ZNF280C: variants seen among roughly 807,000 people sequenced by gnomAD.
ZNF280C encodes zinc finger protein 280C, also known as suppressor of hairy wing homolog 3.
ZNF280C carries 14 observed loss-of-function variants against 53.6 expected under a neutral mutation model. The observed-to-expected ratio is 0.26, with a 90% CI of 0.17 to 0.41. ZNF280C has a LOEUF of 0.41. Ranked by LOEUF, ZNF280C falls within the 10% of genes least tolerant of loss-of-function variation. ZNF280C has a pLI of 1.00. For synonymous variants in ZNF280C, 203 were observed against 181.1 expected, an observed-to-expected ratio of 1.12 and a Z score of -0.97; for missense variants, 416 against 547.1, an observed-to-expected ratio of 0.76 and a Z score of 2.39.
chrX:130,203,575 A>G lies in ZNF280C; in HGVS notation c.*1402T>C, dbSNP rs937888857. 6 of 111,129 alleles carry G rather than the reference A, an allele frequency of 5.4e-5. No individual in the cohort carries two copies. Among genetic ancestry groups the G allele is most frequent in the African/African-American group, 2.0e-4 (6 of 30,514 alleles). The allele number at this position is 111,129 out of a possible 1,213,427, so 9.2% of individuals were successfully genotyped here. The stretch of plus-strand genomic sequence containing the variant: ...GTACTTGGGAGACTGAGGCAGGAGA[A>G]TGGCGTGAACCCAGGAGGCGGAGCT... On this transcript the variant is annotated 3_prime_UTR_variant, in exon 19 of 19. Transcript: ENST00000370978.
intron 2 of ZNF280C, among the ~76,000 whole-genome samples, chrX:130,260,162 A>C (rs1056559573): frequency 9.1e-5 from 10 of 110,164 alleles, no homozygotes; most frequent in Non-Finnish European, 1.5e-4. Flanking sequence ...GGCGCCTGTA[A>C]TCCCAGCTAC....
chrX:130,241,084 T>A (rs1011026103), intron 5 of ZNF280C, among the ~76,000 whole-genome samples: 12 of 111,533 alleles, frequency 1.1e-4, no homozygotes, highest in Admixed American at 8.6e-4. Context: ...GGAGCTGGAA[T>A]CAGAACTAAG....
At chrX:130,260,396 T>A (rs775041867) in intron 2 of ZNF280C, 23 bp downstream of exon 2, 171 of 1,183,584 alleles carry the variant, frequency 1.4e-4, no homozygotes, top group Non-Finnish European at 1.9e-4. Flanking sequence ...CCTATTAGTA[T>A]CAACTACAGC....
At position 130,236,513 on chromosome X, in the gene ZNF280C, A is replaced by G. The variant is rs1212305670; in HGVS notation, c.620T>C (p.Ile207Thr). ...QINPSTSLPL[I>T]GSPPVTSSQV... Reference sequence around the variant, plus strand: ...GGAGGATGTCACTGGAGGAGAGCCAATTAAAGGCAATGAAGTGGAGGGATT... The same window carrying G: ...GGAGGATGTCACTGGAGGAGAGCCAGTTAAAGGCAATGAAGTGGAGGGATT... The change falls in exon 7 of 19, where the codon ATT (isoleucine) becomes ACT (threonine). Residue 207 changes from isoleucine to threonine, a missense_variant. By Grantham distance (89) the Ile-to-Thr change is moderately conservative (BLOSUM62 -1). This residue lies in a region of ZNF280C where 193 missense variants were observed against 201.4 expected (regional missense o/e 0.96). Coordinates refer to ENST00000370978, the MANE Select transcript of ZNF280C (RefSeq NM_017666.5). The G allele has an allele frequency of 3.3e-6, 4 of 1,206,107 alleles. No individual in the cohort carries two copies. Among genetic ancestry groups the G allele is most frequent in the Non-Finnish European group, 4.5e-6 (4 of 893,246 alleles).
chrX:130,259,109 T>C (rs761778343), intron 2 of ZNF280C, among the ~76,000 whole-genome samples: 16 of 112,378 alleles, frequency 1.4e-4, no homozygotes, highest in Non-Finnish European at 2.4e-4. Context: ...TGACAGTCTA[T>C]GCTATGCAAT....
chrX:130,246,095 C>G (rs561707), intron 3 of ZNF280C, among the ~76,000 whole-genome samples: 54,115 of 110,621 alleles, frequency 0.49, 10,038 homozygotes, highest in African/African-American at 0.67. Flanking sequence ...ATAAACATCA[C>G]CAGTATCTTC....
At chrX:130,242,698 C>A (rs1293688502) in intron 5 of ZNF280C, among the ~76,000 whole-genome samples, 1 of 111,556 alleles carries the variant, frequency 9.0e-6, no homozygotes, top group African/African-American at 3.3e-5. Context: ...CGCCAACACG[C>A]CTGGCTAATT....
intron 2 of ZNF280C, among the ~76,000 whole-genome samples, chrX:130,248,849 T>C (rs184656177): frequency 2.7e-4 from 30 of 112,387 alleles, no homozygotes; most frequent in Non-Finnish European, 4.9e-4. Context: ...TCCACATCAC[T>C]TTGCCAGTCA....
intron 1 of ZNF280C, among the ~76,000 whole-genome samples, chrX:130,261,968 CTG>C (rs1358712753): frequency 9.0e-6 from 1 of 111,539 alleles, no homozygotes; most frequent in Admixed American, 9.6e-5. Flanking sequence ...GTGAACATCA[CTG>C]TGCCTGGCTT....
At chrX:130,226,967 A>C in intron 11 of ZNF280C, 62 bp from the exon 12 acceptor site, 1 of 1,066,086 alleles carries the variant, frequency 9.4e-7, no homozygotes. Context: ...AATTACAATC[A>C]AAGTAGCAAT....
intron 2 of ZNF280C, among the ~76,000 whole-genome samples, chrX:130,249,310 G>T (rs994969793): frequency 2.7e-5 from 3 of 112,014 alleles, no homozygotes; most frequent in African/African-American, 9.8e-5. Context: ...TGCAGCAGCT[G>T]ATGAGTGTGC....
At chrX:130,209,525 C>T in intron 16 of ZNF280C, 128 bp downstream of exon 16, 1 of 550,108 alleles carries the variant, frequency 1.8e-6, no homozygotes, top group South Asian at 2.8e-5. Flanking sequence ...ATAGGCTATC[C>T]CTCCAACTTT....
intron 8 of ZNF280C, among the ~76,000 whole-genome samples, chrX:130,233,205 G>A (rs1330290807): frequency 9.0e-6 from 1 of 110,927 alleles, no homozygotes; most frequent in Non-Finnish European, 1.9e-5. Flanking sequence ...TAGAGGGAGG[G>A]GAAAATGGGA....
intron 1 of ZNF280C, among the ~76,000 whole-genome samples, chrX:130,267,107 A>C (rs1370827524): frequency 9.0e-6 from 1 of 110,793 alleles, no homozygotes; most frequent in African/African-American, 3.3e-5. Context: ...TCTCAAAAAA[A>C]AAAAAAAAAA....
In ZNF280C at chrX:130,250,630, C is replaced by T. The variant is rs946959335; in HGVS notation, c.32-3625G>A. On this transcript the variant is annotated intron_variant, in intron 2 of 18. Transcript: ENST00000370978. Reference sequence around the variant, plus strand: ...ATAATAACGAGCTCTGAAATTGAACCAGTAAAAAGAGCCTACCAATCAAAA... The same window carrying T: ...ATAATAACGAGCTCTGAAATTGAACTAGTAAAAAGAGCCTACCAATCAAAA... 7.2e-5 allele frequency among the ~76,000 whole-genome samples: 8 copies of T among 111,502 alleles called. No individual in the cohort carries two copies. In the Admixed American group the frequency reaches 7.6e-4, roughly 11 times the overall value.
Position 130,230,691 on chromosome X carries a change from C to T in ZNF280C, c.808G>A (p.Val270Ile), listed in dbSNP as rs764403345. 8.3e-7 allele frequency: 1 copy of T among 1,206,973 alleles called. No homozygotes were observed. Among genetic ancestry groups the T allele is most frequent in the South Asian group, 1.8e-5 (1 of 56,201 alleles). ...CPDMITKFLG[V>I]IVKSERPCDE... is the part of the protein sequence containing the mutation. ...CATGGACGTTCTGATTTAACAATTA[C>T]TCCCAAAAATTTAGTTATCATGTCT... The change falls in exon 9 of 19, where the codon GTA becomes ATA. Residue 270 changes from valine to isoleucine, a missense_variant. Transcript: ENST00000370978.
chrX:130,236,357 T>A, intron 7 of ZNF280C, 37 bp from the exon 8 acceptor site: 1 of 1,149,889 alleles, frequency 8.7e-7, no homozygotes, highest in African/African-American at 1.8e-5. Flanking sequence ...CTCAAATCCA[T>A]CTTTTTAAAA....
intron 1 of ZNF280C, among the ~76,000 whole-genome samples, chrX:130,266,122 AAT>A (rs2032685528): frequency 8.9e-6 from 1 of 112,710 alleles, no homozygotes; most frequent in Non-Finnish European, 1.9e-5. Flanking sequence ...AGTTAATAAA[AAT>A]ACTTTTAATG....
rs779820450 is a variant in ZNF280C at position 130,212,662 on chromosome X, T to C, written c.1979+2531A>G. On this transcript the variant is annotated intron_variant, in intron 15 of 18. Transcript: ENST00000370978. ...ACTCAAATCACAAAGAGTCAAAAAA[T>C]GACAAACAGGCTAGTAAAGAATACT... Among the ~76,000 whole-genome samples, 16 of 109,284 alleles carry C rather than the reference T, an allele frequency of 1.5e-4. No homozygotes were observed. In the South Asian group the frequency reaches 6.3e-3, roughly 43 times the overall value. 94.9% of individuals were successfully genotyped at this position (109,284 alleles called of 115,157 possible).
Sources: allele counts gnomAD v4.1 joint callset (sites outside exome capture counted in the v4.1 genomes callset), GRCh38; gene constraint gnomAD v4.1.1; regional missense constraint gnomAD v4.1.1; transcripts MANE v1.5; gene names NCBI Gene and HGNC (gene_info 2026-07-23, HGNC 2026-07-21).